The following GLYATL3 variants were observed in gnomAD, a reference collection of about 807,000 sequenced individuals.
GLYATL3 encodes the protein glycine-N-acyltransferase like 3.
A neutral mutation model predicts 28.5 loss-of-function variants in GLYATL3; 31 were observed. That is an observed-to-expected ratio of 1.09 (90% confidence interval 0.82 to 1.47). The LOEUF is 1.47. GLYATL3 is among the 40% of genes most tolerant of loss of function. The pLI, the probability that GLYATL3 is intolerant of heterozygous loss-of-function variation, is 0.00. For missense variants in GLYATL3, 369 were observed against 351.5 expected (o/e 1.05, Z -0.40); for synonymous variants, 141 against 140.2 (o/e 1.01, Z -0.04).
chr6:49,515,591 G>A (rs1769200102), intron 2 of GLYATL3, 62 bp from the exon 3 acceptor site: 6 of 917,358 alleles, frequency 6.5e-6, no homozygotes, highest in Admixed American at 2.0e-5. Flanking sequence ...AGGTAAAGAC[G>A]ATAATATGTG....
At chr6:49,507,889 A>C (rs946284422) in intron 1 of GLYATL3, among the ~76,000 whole-genome samples, 1 of 152,174 alleles carries the variant, frequency 6.6e-6, no homozygotes, top group Non-Finnish European at 1.5e-5. Context: ...GGGGTAGGTT[A>C]GTGAGGAATT....
intron 2 of GLYATL3, among the ~76,000 whole-genome samples, chr6:49,514,863 T>C (rs562839669): frequency 3.3e-5 from 5 of 151,952 alleles, no homozygotes; most frequent in African/African-American, 9.7e-5. Flanking sequence ...GATTGCCCCA[T>C]AACACTCCAG....
intron 1 of GLYATL3, among the ~76,000 whole-genome samples, chr6:49,504,664 T>C (rs1768978693): frequency 6.6e-6 from 1 of 152,204 alleles, no homozygotes. Context: ...GTTACTTTTT[T>C]CTACAATACC....
chr6:49,512,626 A>T (rs9463493), intron 2 of GLYATL3, among the ~76,000 whole-genome samples: 1 of 151,938 alleles, frequency 6.6e-6, no homozygotes, highest in East Asian at 1.9e-4. Flanking sequence ...TAAAATAATA[A>T]AACTGAGGTT....
rs1202523010 is a variant in GLYATL3, at chr6:49,526,839, T to TGG, written c.793_794insGG (p.Ala265GlyfsTer52). 1 of 1,552,138 alleles carries TGG rather than the reference T, an allele frequency of 6.4e-7. No individual in the cohort carries two copies. Among genetic ancestry groups the TGG allele is most frequent in the African/African-American group, 1.4e-5 (1 of 73,178 alleles). The stretch of plus-strand genomic sequence containing the variant: ...CTATAAGCCTCCTGAAGAGTCTCCA[T>TGG]GCTGAGTTCTTGCCTTGTCGCTTCC... On this transcript the variant is annotated frameshift_variant, in exon 6 of 6. Transcript: ENST00000371197. LOFTEE classifies it high-confidence loss of function.
At chr6:49,512,278 T>TC (rs1769136155) in intron 2 of GLYATL3, among the ~76,000 whole-genome samples, 4 of 115,454 alleles carry the variant, frequency 3.5e-5, no homozygotes, top group Admixed American at 3.2e-4. Flanking sequence ...TTTTTTTTTT[T>TC]TCTTTCTTTT....
At chr6:49,506,828 G>A (rs1030781484) in intron 1 of GLYATL3, among the ~76,000 whole-genome samples, 1 of 152,118 alleles carries the variant, frequency 6.6e-6, no homozygotes, top group African/African-American at 2.4e-5. Flanking sequence ...CTATTGTGAA[G>A]GGGCAGGGGA....
intron 1 of GLYATL3, among the ~76,000 whole-genome samples, chr6:49,507,973 G>A (rs1199084815): frequency 6.6e-6 from 1 of 152,274 alleles, no homozygotes; most frequent in African/African-American, 2.4e-5. Flanking sequence ...TCTGTATGCA[G>A]AAGTACAGTA....
intron 1 of GLYATL3, among the ~76,000 whole-genome samples, chr6:49,507,699 A>G (rs1403786693): frequency 2.0e-5 from 3 of 152,140 alleles, no homozygotes; most frequent in East Asian, 1.9e-4. Flanking sequence ...GGATCTAGCT[A>G]GCAGCCTGCA....
intron 4 of GLYATL3, among the ~76,000 whole-genome samples, chr6:49,521,313 C>T (rs1402125688): frequency 1.3e-5 from 2 of 152,088 alleles, no homozygotes; most frequent in Non-Finnish European, 2.9e-5. Flanking sequence ...TCCTTTATTT[C>T]GTGGAGCTTA....
At chr6:49,520,251 TG>T (rs1194716703) in intron 4 of GLYATL3, among the ~76,000 whole-genome samples, 5 of 152,032 alleles carry the variant, frequency 3.3e-5, no homozygotes, top group Non-Finnish European at 5.9e-5. Context: ...GGGTAGGGAT[TG>T]AAGGAAAACA....
chr6:49,515,722 C>A lies in GLYATL3; in HGVS notation c.148C>A (p.Pro50Thr). The change falls in exon 3 of 6, where the codon CCG (proline) becomes ACG (threonine). Residue 50 changes from proline (P) to threonine (T), a missense_variant. Physicochemically the swap from Pro to Thr is conservative, Grantham distance 38 (BLOSUM62 -1). Coordinates refer to ENST00000371197, the MANE Select transcript of GLYATL3 (RefSeq NM_001010904.2). ...FQKEVVLDSWPDFKAVITRRQ... is the reference protein window; with the variant it reads ...FQKEVVLDSWTDFKAVITRRQ... ...AAAGGAAGTGGTGTTGGATTCATGG[C>A]CGGATTTCAAAGCTGTTATCACCCG... 2 of 1,550,774 alleles carry A rather than the reference C, an allele frequency of 1.3e-6. No individual in the cohort carries two copies. The highest frequency in any genetic ancestry group is 1.4e-5 in the African/African-American group (1 of 73,044).
chr6:49,527,433 C>G lies in GLYATL3; in HGVS notation c.*519C>G, dbSNP rs957524718. Among the ~76,000 whole-genome samples the G allele has an allele frequency of 3.3e-5, 5 of 152,296 alleles. No homozygotes were observed. Among genetic ancestry groups the G allele is most frequent in the Admixed American group, 6.5e-5 (1 of 15,298 alleles). ...CCTTTTTCCCCTTTAATTACTTGCT[C>G]TTTACTTCTGCCTAGGACTCTAGCC... On this transcript the variant is annotated 3_prime_UTR_variant, in exon 6 of 6. Transcript: ENST00000371197.
In GLYATL3 at chr6:49,501,659, C is replaced by G. The variant is rs1768915341; in HGVS notation, c.-29+1617C>G. 2.0e-5 allele frequency among the ~76,000 whole-genome samples: 3 copies of G among 152,188 alleles called. No homozygotes were observed. The South Asian group carries it at 6.2e-4, about 32-fold the overall frequency. ...AACCTATGATTAGCAGGATATTAAT[C>G]AGCAGTAACAGTTGCAGCAAAAGCT... On this transcript the variant is annotated intron_variant, in intron 1 of 5. Transcript: ENST00000371197.
intron 1 of GLYATL3, among the ~76,000 whole-genome samples, chr6:49,507,542 C>A (rs1201932335): frequency 6.6e-6 from 1 of 152,182 alleles, no homozygotes. Flanking sequence ...GAATAATACT[C>A]ATCGACAAAC....
rs1769450197 is a variant in GLYATL3, at chr6:49,527,792, A to G, written c.*878A>G. Among the ~76,000 whole-genome samples the G allele has an allele frequency of 6.6e-6, 1 of 152,168 alleles. No homozygotes were observed. Among genetic ancestry groups the G allele is most frequent in the Non-Finnish European group, 1.5e-5 (1 of 68,032 alleles). ...GGGGGTATGCAAATGAATATATAACATATATGCATACACATATATATACAT... is the reference window on the plus strand; with the variant it reads ...GGGGGTATGCAAATGAATATATAACGTATATGCATACACATATATATACAT... On this transcript the variant is annotated 3_prime_UTR_variant, in exon 6 of 6. Transcript: ENST00000371197.
chr6:49,526,423 A>C, intron 5 of GLYATL3, 65 bp from the exon 6 acceptor site: 1 of 1,364,916 alleles, frequency 7.3e-7, no homozygotes, highest in Non-Finnish European at 1.0e-6. Context: ...GAAAAAAAAA[A>C]TGTGTAGTTA....
At chr6:49,517,129 C>T (rs1170849734) in intron 3 of GLYATL3, among the ~76,000 whole-genome samples, 1 of 143,252 alleles carries the variant, frequency 7.0e-6, no homozygotes, top group Non-Finnish European at 1.5e-5. Flanking sequence ...TCCTGCACTC[C>T]AGCCTTGCAA....
intron 1 of GLYATL3, among the ~76,000 whole-genome samples, chr6:49,509,974 CTT>C (rs1207781803): frequency 2.9e-4 from 41 of 142,540 alleles, no homozygotes; most frequent in Non-Finnish European, 1.2e-4. Context: ...TTCTTTCTTT[CTT>C]TCTTTCTTTC....
Sources: allele counts gnomAD v4.1 joint callset (sites outside exome capture counted in the v4.1 genomes callset), GRCh38; gene constraint gnomAD v4.1.1; transcripts MANE v1.5; gene names NCBI Gene and HGNC (gene_info 2026-07-23, HGNC 2026-07-21).